The following HIPK2 variants were observed in gnomAD, a reference collection of about 807,000 sequenced individuals.
The protein encoded by HIPK2 is homeodomain interacting protein kinase 2, also known as homeodomain-interacting protein kinase 2.
HIPK2 carries 27 observed loss-of-function variants against 113.7 expected under a neutral mutation model. That is an observed-to-expected ratio of 0.24 (90% CI 0.17 to 0.33). The LOEUF is 0.33. Among genes scored for constraint, HIPK2 ranks in the 10% least tolerant of loss-of-function variants. The pLI is 1.00. For synonymous variants in HIPK2, 631 were observed against 642.2 expected (o/e 0.98, Z 0.26); for missense variants, 1,257 against 1,588.0 (o/e 0.79, Z 3.54).
At chr7:139,592,523 G>T (rs1799062471) in intron 12 of HIPK2, among the ~76,000 whole-genome samples, 1 of 152,192 alleles carries the variant, frequency 6.6e-6, no homozygotes, top group Non-Finnish European at 1.5e-5. Context: ...AACTGCTTGA[G>T]CCTGGGAGTT....
intron 1 of HIPK2, among the ~76,000 whole-genome samples, chr7:139,769,194 C>T (rs899614013): frequency 9.9e-5 from 15 of 151,450 alleles, no homozygotes; most frequent in African/African-American, 3.4e-4. Flanking sequence ...GACAAGTGCT[C>T]GATGCGTGTT....
intron 2 of HIPK2, among the ~76,000 whole-genome samples, chr7:139,679,258 T>A (rs1367075645): frequency 2.0e-5 from 3 of 152,152 alleles, no homozygotes; most frequent in Non-Finnish European, 2.9e-5. Context: ...AAGGGAATGA[T>A]GAAGCCTCTT....
At chr7:139,734,542 A>G (rs1033694474) in intron 1 of HIPK2, among the ~76,000 whole-genome samples, 3 of 152,152 alleles carry the variant, frequency 2.0e-5, no homozygotes, top group African/African-American at 7.2e-5. Context: ...CCTGCCCCCT[A>G]AATGCATTCC....
chr7:139,705,037 C>T (rs1187838563), intron 2 of HIPK2, among the ~76,000 whole-genome samples: 1 of 152,214 alleles, frequency 6.6e-6, no homozygotes, highest in East Asian at 1.9e-4. Context: ...ACTAACCACA[C>T]TCCCAACATC....
intron 2 of HIPK2, among the ~76,000 whole-genome samples, chr7:139,641,083 G>A (rs1304621774): frequency 6.6e-6 from 1 of 152,160 alleles, no homozygotes; most frequent in African/African-American, 2.4e-5. Flanking sequence ...AAAACTCCCT[G>A]GCCGGGTGCA....
intron 4 of HIPK2, among the ~76,000 whole-genome samples, chr7:139,629,984 G>A (rs1239566462): frequency 1.3e-5 from 2 of 151,800 alleles, no homozygotes; most frequent in Non-Finnish European, 2.9e-5. Flanking sequence ...AGTCTTTTGT[G>A]ACTACTGGAT....
chr7:139,590,726 G>A (rs1170182758), intron 12 of HIPK2, among the ~76,000 whole-genome samples: 2 of 152,092 alleles, frequency 1.3e-5, no homozygotes, highest in Admixed American at 1.3e-4. Flanking sequence ...AGTGGCTCAC[G>A]CTGGTAATTC....
Position 139,631,332 on chromosome 7 carries a change from C to T in HIPK2, c.1228-48G>A, listed in dbSNP as rs1432446437. 2 of 1,571,296 alleles carry T rather than the reference C, an allele frequency of 1.3e-6. No homozygotes were observed. Among genetic ancestry groups the T allele is most frequent in the South Asian group, 2.3e-5 (2 of 85,708 alleles). On this transcript the variant is annotated intron_variant, in intron 3 of 14. Coordinates refer to ENST00000406875, the MANE Select transcript of HIPK2 (RefSeq NM_022740.5). The surrounding 1 kb of genome is among the most constrained non-coding windows in gnomAD (Gnocchi z 4.9). ...GGTCAGGGCTTTTCCTGTCACTATA[C>T]ATATGGTATACTAATGGCTCTGCTG...
At chr7:139,580,645 C>T (rs1669702889) in intron 13 of HIPK2, among the ~76,000 whole-genome samples, 1 of 152,298 alleles carries the variant, frequency 6.6e-6, no homozygotes, top group South Asian at 2.1e-4. Context: ...GCTTACAGCA[C>T]AGATAAGCTC....
At chr7:139,665,354 A>G (rs1038311423) in intron 2 of HIPK2, among the ~76,000 whole-genome samples, 13 of 152,198 alleles carry the variant, frequency 8.5e-5, no homozygotes, top group African/African-American at 2.9e-4. Context: ...GACCTGAAAC[A>G]AAGCTATTCA....
chr7:139,692,898 G>C (rs1274787202), intron 2 of HIPK2, among the ~76,000 whole-genome samples: 1 of 152,232 alleles, frequency 6.6e-6, no homozygotes, highest in Non-Finnish European at 1.5e-5. Context: ...CTTGGGGCTA[G>C]AAGCCAGGTC....
At chr7:139,635,327 C>T (rs1218219114) in intron 2 of HIPK2, among the ~76,000 whole-genome samples, 3 of 152,216 alleles carry the variant, frequency 2.0e-5, no homozygotes, top group Non-Finnish European at 4.4e-5. Context: ...CTTCTCTGAA[C>T]TTGACTATGG....
intron 6 of HIPK2, 126 bp downstream of exon 6, chr7:139,626,474 CT>C (rs1160408699): frequency 2.1e-6 from 2 of 947,752 alleles, no homozygotes; most frequent in Admixed American, 5.1e-5. Context: ...TCTGTGGCTG[CT>C]TTCAGCTACA....
chr7:139,612,092 A>C (rs1585275525), intron 9 of HIPK2, among the ~76,000 whole-genome samples: 2 of 152,210 alleles, frequency 1.3e-5, no homozygotes, highest in African/African-American at 4.8e-5. Flanking sequence ...TCCCTACTAG[A>C]TACCAAGACA....
intron 6 of HIPK2, among the ~76,000 whole-genome samples, chr7:139,625,118 A>G (rs904783659): frequency 2.6e-5 from 4 of 152,098 alleles, no homozygotes; most frequent in Non-Finnish European, 2.9e-5. Flanking sequence ...TCGTCCATCT[A>G]TCCTTCCAAT....
At chr7:139,713,385 C>T (rs1194931485) in intron 2 of HIPK2, among the ~76,000 whole-genome samples, 2 of 152,138 alleles carry the variant, frequency 1.3e-5, no homozygotes, top group Non-Finnish European at 2.9e-5. Flanking sequence ...GACCTGTCTC[C>T]TCAGCACTAG....
intron 2 of HIPK2, among the ~76,000 whole-genome samples, chr7:139,700,032 G>A (rs965120990): frequency 1.3e-4 from 20 of 152,162 alleles, no homozygotes; most frequent in Non-Finnish European, 1.8e-4. Context: ...GATATACGAC[G>A]TCTGTGCTAA....
chr7:139,767,138 T>C (rs1341359150), intron 1 of HIPK2, among the ~76,000 whole-genome samples: 2 of 151,800 alleles, frequency 1.3e-5, no homozygotes, highest in African/African-American at 4.8e-5. Flanking sequence ...ATTTCTGACT[T>C]TTTGTTCTGA....
At chr7:139,718,383 C>T (rs1313227832) in intron 1 of HIPK2, among the ~76,000 whole-genome samples, 1 of 152,180 alleles carries the variant, frequency 6.6e-6, no homozygotes, top group East Asian at 1.9e-4. Flanking sequence ...CCTTTCCACT[C>T]CATCAACCAT....
Sources: allele counts gnomAD v4.1 joint callset (sites outside exome capture counted in the v4.1 genomes callset), GRCh38; gene constraint gnomAD v4.1.1; non-coding constraint Gnocchi (gnomAD v3.1); transcripts MANE v1.5; gene names NCBI Gene and HGNC (gene_info 2026-07-23, HGNC 2026-07-21).